Variants in SMCHD1 observed in about 807,000 individuals in gnomAD.
The protein encoded by SMCHD1 is structural maintenance of chromosomes flexible hinge domain-containing protein 1.
Under a neutral mutation model 254.7 loss-of-function variants are expected in SMCHD1, and 78 were observed. The observed-to-expected ratio is 0.31, with a 90% CI of 0.26 to 0.37. The LOEUF (loss-of-function observed/expected upper bound fraction) is 0.37, where lower values mean the gene tolerates loss of function less well. SMCHD1 is among the 10% of genes least tolerant of loss of function. SMCHD1 has a pLI of 1.00. For missense variants in SMCHD1, 1,840 were observed against 2,408.1 expected, an observed-to-expected ratio of 0.76 and a Z score of 4.94; for synonymous variants, 766 against 794.9, an observed-to-expected ratio of 0.96 and a Z score of 0.61.
At chr18:2,749,673 A>G (rs150895390) in intron 30 of SMCHD1, among the ~76,000 whole-genome samples, 4 of 152,214 alleles carry the variant, frequency 2.6e-5, no homozygotes, top group African/African-American at 9.6e-5. Context: ...TGTACAGTAT[A>G]TATTTCTCCA....
intron 19 of SMCHD1, among the ~76,000 whole-genome samples, chr18:2,719,226 CTTTCTTTTCT>C (rs1288046157): frequency 6.7e-6 from 1 of 150,002 alleles, no homozygotes; most frequent in Non-Finnish European, 1.5e-5. Flanking sequence ...TGTTCCTTTC[CTTTCTTTTCT>C]TTTCTTTTCC....
At chr18:2,678,285 T>TTCTC (rs1390547468) in intron 5 of SMCHD1, among the ~76,000 whole-genome samples, 25 of 142,166 alleles carry the variant, frequency 1.8e-4, no homozygotes, top group African/African-American at 6.2e-4. Flanking sequence ...CTCTCTCTCT[T>TTCTC]TCTTTCTTTC....
At chr18:2,763,317 T>A (rs1227855315) in intron 36 of SMCHD1, among the ~76,000 whole-genome samples, 1 of 152,190 alleles carries the variant, frequency 6.6e-6, no homozygotes, top group Admixed American at 6.5e-5. Context: ...CACTACAAGT[T>A]TATAATAACT....
intron 21 of SMCHD1, 92 bp from the exon 22 acceptor site, chr18:2,726,360 A>G: frequency 1.5e-6 from 1 of 668,990 alleles, no homozygotes; most frequent in South Asian, 2.2e-5. Flanking sequence ...TGGTATGAAA[A>G]TAAAACCAAA....
intron 44 of SMCHD1, among the ~76,000 whole-genome samples, chr18:2,780,238 T>TAAAAAAAAAAAAAAA (rs56804553): frequency 1.4e-5 from 1 of 69,352 alleles, no homozygotes; most frequent in Non-Finnish European, 2.5e-5. Flanking sequence ...AGACTCTATC[T>TAAAAAAAAAAAAAAA]AAAAAAAAAA....
At chr18:2,746,566 A>G (rs955873615) in intron 29 of SMCHD1, among the ~76,000 whole-genome samples, 6 of 152,178 alleles carry the variant, frequency 3.9e-5, no homozygotes, top group African/African-American at 1.2e-4. Flanking sequence ...AACTAAACCA[A>G]TCTCAAGGGT....
At chr18:2,765,996 G>GTTTTCTTTTTTTTTTTTT (rs377381607) in intron 37 of SMCHD1, among the ~76,000 whole-genome samples, 119 of 140,756 alleles carry the variant, frequency 8.5e-4, no homozygotes, top group East Asian at 2.3e-3. Context: ...GCTATGTCCA[G>GTTTTCTTTTTTTTTTTTT]TTTTCTTTTT....
At chr18:2,778,326 C>T (rs2076100174) in intron 44 of SMCHD1, 87 bp downstream of exon 44, 11 of 937,716 alleles carry the variant, frequency 1.2e-5, no homozygotes, top group Non-Finnish European at 1.4e-5. Context: ...AAACGACTAG[C>T]CTTTTCAAAA....
intron 17 of SMCHD1, among the ~76,000 whole-genome samples, chr18:2,713,894 A>G (rs1231131405): frequency 2.0e-5 from 3 of 152,208 alleles, no homozygotes; most frequent in African/African-American, 7.2e-5. Context: ...GGCCTAATGT[A>G]TGGCCTTTCT....
At chr18:2,683,292 A>T (rs2073971677) in intron 5 of SMCHD1, among the ~76,000 whole-genome samples, 1 of 152,174 alleles carries the variant, frequency 6.6e-6, no homozygotes, top group African/African-American at 2.4e-5. Flanking sequence ...CTAGGAAATA[A>T]GTTGCAGCAT....
chr18:2,729,324 C>A lies in SMCHD1; in HGVS notation c.2963C>A (p.Ser988Tyr). The A allele has an allele frequency of 6.4e-7, 1 of 1,561,724 alleles. No individual in the cohort carries two copies. The highest frequency in any genetic ancestry group is 1.2e-5 in the South Asian group (1 of 83,694). ...LPVYVVDCSS[S>Y]GTSILTGSAI... ...GTCTATGTTGTAGATTGCAGTAGTT[C>A]TGGAACCAGTATTTTAACAGGATCT... Residue 988 changes from serine (S) to tyrosine (Y), a missense_variant, in exon 24 of 48, where the codon TCT becomes TAT. Ser to Tyr is a moderately radical substitution (Grantham distance 144). Around this residue, in one of 9 missense-constraint regions of SMCHD1, gnomAD observed 881 missense variants for 1,009.5 expected, o/e 0.87. Transcript: ENST00000320876.
intron 5 of SMCHD1, among the ~76,000 whole-genome samples, chr18:2,687,630 C>T (rs754553174): frequency 1.3e-5 from 2 of 152,142 alleles, no homozygotes; most frequent in Non-Finnish European, 2.9e-5. Flanking sequence ...AGCTATTTTC[C>T]ATTCTCTGTC....
At chr18:2,692,403 T>C (rs2074199899) in intron 7 of SMCHD1, among the ~76,000 whole-genome samples, 1 of 152,146 alleles carries the variant, frequency 6.6e-6, no homozygotes, top group East Asian at 1.9e-4. Context: ...AGATCAAATA[T>C]TATCCGTAAA....
Position 2,763,718 on chromosome 18 carries a change from G to C in SMCHD1, c.4648G>C (p.Asp1550His), listed in dbSNP as rs752489947. ...TAAAGGCTCTAATGAGGAAGATACT[G>C]ATACCCCACTTTTTATTGGGAAAGT... Reference protein sequence around the residue: ...TIKGSNEEDTDTPLFIGKVRT... With the variant: ...TIKGSNEEDTHTPLFIGKVRT... Residue 1550 changes from aspartate to histidine, a missense_variant, in exon 37 of 48, where the codon GAT becomes CAT. By Grantham distance (81) the Asp-to-His change is moderately conservative (BLOSUM62 -1). Transcript: ENST00000320876. 1 of 1,609,706 alleles carries C rather than the reference G, an allele frequency of 6.2e-7. No homozygotes were observed. Among genetic ancestry groups the C allele is most frequent in the Non-Finnish European group, 8.5e-7 (1 of 1,177,866 alleles).
chr18:2,670,256 A>G (rs1377753778), intron 3 of SMCHD1, among the ~76,000 whole-genome samples: 4 of 151,916 alleles, frequency 2.6e-5, no homozygotes, highest in South Asian at 2.1e-4. Context: ...ACTGCCATCC[A>G]TATTCTCAGC....
chr18:2,787,039 G>A (rs2076251487), intron 45 of SMCHD1, among the ~76,000 whole-genome samples: 1 of 152,156 alleles, frequency 6.6e-6, no homozygotes, highest in South Asian at 2.1e-4. Context: ...GATTTATAAA[G>A]AAAAAGATAC....
intron 34 of SMCHD1, 54 bp from the exon 35 acceptor site, chr18:2,760,598 C>A: frequency 2.0e-6 from 2 of 983,160 alleles, no homozygotes; most frequent in African/African-American, 1.6e-5. Context: ...TCTTTGAATT[C>A]CTTCCCCCTT....
At chr18:2,694,260 C>T (rs966423425) in intron 7 of SMCHD1, among the ~76,000 whole-genome samples, 3 of 152,240 alleles carry the variant, frequency 2.0e-5, no homozygotes, top group Admixed American at 1.3e-4. Context: ...TTTACCTTTT[C>T]GTTTATGATT....
At chr18:2,775,212 G>A (rs1171424482) in intron 41 of SMCHD1, among the ~76,000 whole-genome samples, 1 of 149,844 alleles carries the variant, frequency 6.7e-6, no homozygotes, top group Non-Finnish European at 1.5e-5. Flanking sequence ...CTGAGCAGCA[G>A]AAGAAACAAT....
Sources: gnomAD v4.1 joint callset for allele counts (sites outside exome capture counted in the v4.1 genomes callset) on GRCh38, gnomAD v4.1.1 for gene constraint, gnomAD v4.1.1 regional missense constraint, MANE v1.5 for transcripts, NCBI Gene and HGNC (gene_info 2026-07-23, HGNC 2026-07-21) for gene names.